The following ASTN2 variants were observed in gnomAD, a reference collection of about 807,000 sequenced individuals.
ASTN2 encodes astrotactin-2.
Under a neutral mutation model 139.8 loss-of-function variants are expected in ASTN2, and 54 were observed. That is an observed-to-expected ratio of 0.39 (90% CI 0.31 to 0.48). The LOEUF (loss-of-function observed/expected upper bound fraction) is 0.48. Ranked by LOEUF, ASTN2 falls within the 20% of genes least tolerant of loss-of-function variation. The probability of loss-of-function intolerance (pLI) is 0.95; values close to 1 mark genes in which losing one functional copy is unlikely to be tolerated. For synonymous variants in ASTN2, 756 were observed against 719.5 expected (o/e 1.05, Z -0.81); for missense variants, 1,565 against 1,725.1 (o/e 0.91, Z 1.64).
At chr9:116,659,401 T>C (rs1422129801) in intron 16 of ASTN2, among the ~76,000 whole-genome samples, 1 of 152,118 alleles carries the variant, frequency 6.6e-6, no homozygotes, top group Non-Finnish European at 1.5e-5. Flanking sequence ...GTAATGCTTA[T>C]CAGACTTCAG....
intron 4 of ASTN2, among the ~76,000 whole-genome samples, chr9:117,111,218 T>C (rs1829240384): frequency 6.6e-6 from 1 of 152,222 alleles, no homozygotes; most frequent in African/African-American, 2.4e-5. Context: ...CAAGTTTCAT[T>C]CATTCCCAAG....
chr9:116,487,477 C>T lies in ASTN2; in HGVS notation c.3379G>A (p.Asp1127Asn). The T allele has an allele frequency of 6.2e-7, 1 of 1,613,910 alleles. No individual in the cohort carries two copies. The highest frequency in any genetic ancestry group is 8.5e-7 in the Non-Finnish European group (1 of 1,179,910). The change falls in exon 20 of 23, where the codon GAC becomes AAC. Residue 1127 changes from aspartate to asparagine, a missense_variant. By Grantham distance (23) the Asp-to-Asn change is conservative. Transcript: ENST00000313400. ...YTGEFLSFAD[D>N]LLSGLGTSCV... ...GATGTGCCCAGGCCAGAGAGTAAGT[C>T]ATCAGCAAAACTCAGGAATTCTCCT...
rs114943573 is a variant in ASTN2 at position 116,633,279 on chromosome 9, C to G, written c.3073-12836G>C. ...TTCCCAAGGCATCTTGCTCTGTGACCTTGAATTGTCAAGGGTTTGTTAATC... is the reference window on the plus strand; with the variant it reads ...TTCCCAAGGCATCTTGCTCTGTGACGTTGAATTGTCAAGGGTTTGTTAATC... On this transcript the variant is annotated intron_variant, in intron 17 of 22. Transcript: ENST00000313400. Among the ~76,000 whole-genome samples, 917 of 152,324 alleles carry G rather than the reference C, an allele frequency of 6.0e-3. 13 individuals are homozygous for G. The highest frequency in any genetic ancestry group is 0.021 in the African/African-American group (886 of 41,562).
chr9:117,085,132 C>G (rs776093269), intron 5 of ASTN2, among the ~76,000 whole-genome samples: 3 of 152,146 alleles, frequency 2.0e-5, no homozygotes, highest in Non-Finnish European at 4.4e-5. Context: ...CTTCCTTGGG[C>G]CTTGGATGTT....
intron 20 of ASTN2, among the ~76,000 whole-genome samples, chr9:116,447,176 C>A (rs1203845000): frequency 2.0e-5 from 3 of 152,158 alleles, no homozygotes; most frequent in Non-Finnish European, 2.9e-5. Flanking sequence ...CATCCATCCC[C>A]TTCTTCACTT....
intron 16 of ASTN2, among the ~76,000 whole-genome samples, chr9:116,665,640 G>A (rs1366254605): frequency 6.6e-6 from 1 of 152,122 alleles, no homozygotes; most frequent in Non-Finnish European, 1.5e-5. Flanking sequence ...GGTACAAGCT[G>A]AGCCTGGGAT....
At chr9:117,175,254 G>C (rs1360766218) in intron 3 of ASTN2, among the ~76,000 whole-genome samples, 1 of 152,042 alleles carries the variant, frequency 6.6e-6, no homozygotes, top group African/African-American at 2.4e-5. Flanking sequence ...AAAAGTCTGT[G>C]ATATATGTAT....
chr9:116,982,551 T>TG (rs397894227), intron 7 of ASTN2, among the ~76,000 whole-genome samples: 75 of 40,080 alleles, frequency 1.9e-3, no homozygotes, highest in Non-Finnish European at 4.6e-4. Context: ...TAATTTGGGA[T>TG]TTTTTTTTTA....
intron 10 of ASTN2, among the ~76,000 whole-genome samples, chr9:116,884,469 C>T (rs1370508496): frequency 6.6e-6 from 1 of 152,106 alleles, no homozygotes; most frequent in East Asian, 1.9e-4. Context: ...TTTCTTTTCC[C>T]TTTGTCTTCA....
intron 19 of ASTN2, among the ~76,000 whole-genome samples, chr9:116,604,626 C>T (rs545525604): frequency 6.6e-6 from 1 of 152,276 alleles, no homozygotes; most frequent in South Asian, 2.1e-4. Context: ...GAGTAAATTC[C>T]ACAAGATTTC....
intron 5 of ASTN2, among the ~76,000 whole-genome samples, chr9:117,045,100 A>G (rs1478900446): frequency 6.6e-6 from 1 of 152,094 alleles, no homozygotes; most frequent in Non-Finnish European, 1.5e-5. Flanking sequence ...AGGCATATCT[A>G]TGTTCAAATC....
chr9:116,915,736 C>T (rs966379348), intron 10 of ASTN2, among the ~76,000 whole-genome samples: 11 of 152,170 alleles, frequency 7.2e-5, no homozygotes, highest in Non-Finnish European at 1.6e-4. Flanking sequence ...AGCTCCTGCA[C>T]TTGGGATTTT....
At chr9:116,559,973 T>G (rs1231231565) in intron 19 of ASTN2, among the ~76,000 whole-genome samples, 5 of 152,200 alleles carry the variant, frequency 3.3e-5, no homozygotes, top group Non-Finnish European at 7.3e-5. Flanking sequence ...AAGAAACAAC[T>G]GTACAAAGCA....
chr9:116,504,369 G>GAGAA (rs1410431820), intron 19 of ASTN2: 2 of 152,076 alleles, frequency 1.3e-5, no homozygotes, highest in Non-Finnish European at 2.9e-5. Context: ...GACGGTAAGG[G>GAGAA]AGAAAGAAAG....
intron 3 of ASTN2, among the ~76,000 whole-genome samples, chr9:117,167,244 A>T (rs1030495737): frequency 1.3e-5 from 2 of 152,058 alleles, no homozygotes; most frequent in Non-Finnish European, 2.9e-5. Context: ...CTATCTACCT[A>T]TCATCCAATG....
intron 10 of ASTN2, among the ~76,000 whole-genome samples, chr9:116,871,565 T>C (rs1038255955): frequency 1.3e-5 from 2 of 152,250 alleles, no homozygotes; most frequent in African/African-American, 4.8e-5. Flanking sequence ...TTATACATTA[T>C]GTAGCCTTTT....
chr9:116,534,155 G>A (rs143209286), intron 19 of ASTN2, among the ~76,000 whole-genome samples: 11 of 152,138 alleles, frequency 7.2e-5, no homozygotes, highest in African/African-American at 2.4e-4. Flanking sequence ...GTGTAGAGTT[G>A]TCTCTAGTAT....
At chr9:116,756,852 G>A (rs535006048) in intron 13 of ASTN2, among the ~76,000 whole-genome samples, 20 of 151,600 alleles carry the variant, frequency 1.3e-4, no homozygotes, top group Non-Finnish European at 1.8e-4. Context: ...TGCACTAAAG[G>A]AAACTGAGTG....
intron 2 of ASTN2, among the ~76,000 whole-genome samples, chr9:117,216,715 T>C (rs1832332874): frequency 1.3e-5 from 2 of 151,640 alleles, no homozygotes; most frequent in East Asian, 3.9e-4. Context: ...TTGTCTGGGA[T>C]TTTTTTGTGT....
Sources: allele counts gnomAD v4.1 joint callset (sites outside exome capture counted in the v4.1 genomes callset), GRCh38; gene constraint gnomAD v4.1.1; transcripts MANE v1.5; gene names NCBI Gene and HGNC (gene_info 2026-07-23, HGNC 2026-07-21).